Variants in HIBCH observed in about 807,000 individuals in gnomAD.
The protein encoded by HIBCH is 3-hydroxyisobutyryl-CoA hydrolase, mitochondrial.
In HIBCH, 50 loss-of-function variants were observed where a neutral mutation model predicts 58.2. That is an observed-to-expected ratio of 0.86 (90% CI 0.68 to 1.09). The LOEUF (loss-of-function observed/expected upper bound fraction) is 1.09, where lower values mean the gene tolerates loss of function less well. Among genes scored for constraint, HIBCH ranks in the 50% least tolerant of loss-of-function variants. The probability of loss-of-function intolerance (pLI) is 0.00; values close to 1 mark genes in which losing one functional copy is unlikely to be tolerated. For synonymous variants in HIBCH, 151 were observed against 146.9 expected, an observed-to-expected ratio of 1.03 and a Z score of -0.20; for missense variants, 450 against 449.7, an observed-to-expected ratio of 1.00 and a Z score of -0.01.
Position 190,300,727 on chromosome 2 carries a change from C to T in HIBCH, c.79-3774G>A, listed in dbSNP as rs117287004. Among the ~76,000 whole-genome samples, 157 of 152,166 alleles carry T rather than the reference C, an allele frequency of 1.0e-3. 2 individuals carry two copies. In the East Asian group the frequency reaches 0.028, roughly 27 times the overall value. Reference sequence around the variant, plus strand: ...GCGTCTTCGTCATGAAATCTTTGCCCGTTCTTATGTCAAGAATGATACTGC... The same window carrying T: ...GCGTCTTCGTCATGAAATCTTTGCCTGTTCTTATGTCAAGAATGATACTGC... On this transcript the variant is annotated intron_variant, in intron 2 of 13. Transcript: ENST00000359678.
chr2:190,313,205 G>A lies in HIBCH; in HGVS notation c.36-2409C>T, dbSNP rs193173464. 9.8e-4 allele frequency among the ~76,000 whole-genome samples: 148 copies of A among 150,534 alleles called. 1 individual carries two copies. The highest frequency in any genetic ancestry group is 3.5e-3 in the African/African-American group (141 of 40,752). ...CTACGTAACTATTGGACATGCTCAC[G>A]GGCATGTTCGAGCTCACAGCCTATT... On this transcript the variant is annotated intron_variant, in intron 1 of 13. Transcript: ENST00000359678.
At chr2:190,220,822 G>C (rs1685698217) in intron 11 of HIBCH, among the ~76,000 whole-genome samples, 1 of 152,130 alleles carries the variant, frequency 6.6e-6, no homozygotes, top group East Asian at 1.9e-4. Context: ...GTGTGTATAA[G>C]GGAGTGACAT....
In HIBCH at chr2:190,278,244, G is replaced by A. The variant is rs184163586; in HGVS notation, c.438+9342C>T. 6.6e-3 allele frequency among the ~76,000 whole-genome samples: 999 copies of A among 151,728 alleles called. 9 individuals are homozygous for A. The highest frequency in any genetic ancestry group is 0.023 in the African/African-American group (942 of 41,348). ...TTTTAAGATGGAGTCTCGCTCTGTCGCCCAGGCTGAAGTGCAATGGTACAA... is the reference window on the plus strand; with the variant it reads ...TTTTAAGATGGAGTCTCGCTCTGTCACCCAGGCTGAAGTGCAATGGTACAA... On this transcript the variant is annotated intron_variant, in intron 6 of 13. Coordinates refer to ENST00000359678, the MANE Select transcript of HIBCH (RefSeq NM_014362.4).
At chr2:190,233,753 A>G (rs556405397) in intron 11 of HIBCH, among the ~76,000 whole-genome samples, 2 of 152,392 alleles carry the variant, frequency 1.3e-5, no homozygotes, top group African/African-American at 4.8e-5. Context: ...CACATGGACG[A>G]TAAATATATG....
At chr2:190,272,177 A>G (rs1687417746) in intron 6 of HIBCH, among the ~76,000 whole-genome samples, 1 of 152,194 alleles carries the variant, frequency 6.6e-6, no homozygotes. Context: ...TTTCCAGACT[A>G]CCCCATATTT....
chr2:190,227,883 T>C (rs1443444275), intron 11 of HIBCH, among the ~76,000 whole-genome samples: 1 of 152,078 alleles, frequency 6.6e-6, no homozygotes, highest in Non-Finnish European at 1.5e-5. Context: ...AGAACGACGA[T>C]CATTAAAAAG....
chr2:190,225,239 A>G (rs1399427645), intron 11 of HIBCH, among the ~76,000 whole-genome samples: 1 of 152,236 alleles, frequency 6.6e-6, no homozygotes, highest in Non-Finnish European at 1.5e-5. Context: ...CACATTCAAA[A>G]GCTACCAGAA....
chr2:190,314,089 G>A (rs1400295685), intron 1 of HIBCH, among the ~76,000 whole-genome samples: 1 of 151,862 alleles, frequency 6.6e-6, no homozygotes, highest in Non-Finnish European at 1.5e-5. Context: ...TTATGTAACA[G>A]TGTAAGTACT....
chr2:190,251,884 T>C (rs1460906700), intron 8 of HIBCH, among the ~76,000 whole-genome samples: 1 of 149,758 alleles, frequency 6.7e-6, no homozygotes, highest in East Asian at 1.9e-4. Flanking sequence ...GTAGGCATGA[T>C]TTTTTTTTTA....
At chr2:190,212,641 T>C (rs1690539690) in intron 12 of HIBCH, among the ~76,000 whole-genome samples, 1 of 152,226 alleles carries the variant, frequency 6.6e-6, no homozygotes, top group East Asian at 1.9e-4. Flanking sequence ...ATTTACAGAG[T>C]TTATATGCCT....
At position 190,216,344 on chromosome 2, in the gene HIBCH, C is replaced by A. The variant is rs540559275; in HGVS notation, c.892-3269G>T. ...CTGTCAGAAGGCGGCAGAAAGGATT[C>A]AGATTATGGAAGGGTAAATGGATGA... On this transcript the variant is annotated intron_variant, in intron 11 of 13. Coordinates refer to ENST00000359678, the MANE Select transcript of HIBCH (RefSeq NM_014362.4). This position sits in a 1 kb window ranked among gnomAD's most constrained non-coding sequence, Gnocchi z 4.2. Among the ~76,000 whole-genome samples, 1 of 152,222 alleles carries A rather than the reference C, an allele frequency of 6.6e-6. No homozygotes were observed. Among genetic ancestry groups the A allele is most frequent in the South Asian group, 2.1e-4 (1 of 4,818 alleles).
At chr2:190,295,146 G>C (rs1343581532) in intron 3 of HIBCH, among the ~76,000 whole-genome samples, 1 of 152,114 alleles carries the variant, frequency 6.6e-6, no homozygotes, top group Non-Finnish European at 1.5e-5. Context: ...TAAATAAGTA[G>C]GATGAAAGAA....
At chr2:190,289,154 T>C (rs141542207) in intron 5 of HIBCH, among the ~76,000 whole-genome samples, 1 of 152,206 alleles carries the variant, frequency 6.6e-6, no homozygotes, top group African/African-American at 2.4e-5. Flanking sequence ...AATAAACTTA[T>C]GTTTTACTAT....
At chr2:190,276,938 G>A (rs527589512) in intron 6 of HIBCH, among the ~76,000 whole-genome samples, 1 of 152,240 alleles carries the variant, frequency 6.6e-6, no homozygotes, top group African/African-American at 2.4e-5. Context: ...GACAAAAGAA[G>A]TACCTTAAAT....
At chr2:190,300,598 T>C (rs899434918) in intron 2 of HIBCH, among the ~76,000 whole-genome samples, 1 of 152,162 alleles carries the variant, frequency 6.6e-6, no homozygotes, top group Non-Finnish European at 1.5e-5. Context: ...GTTCTCCCAT[T>C]CTGTAGGTTG....
At chr2:190,266,499 C>A (rs1334442036) in intron 6 of HIBCH, among the ~76,000 whole-genome samples, 1 of 151,426 alleles carries the variant, frequency 6.6e-6, no homozygotes, top group African/African-American at 2.4e-5. Context: ...AGTGGCGTGA[C>A]CTTTACTCAC....
intron 6 of HIBCH, among the ~76,000 whole-genome samples, chr2:190,263,520 T>C (rs992337033): frequency 5.3e-5 from 8 of 152,184 alleles, no homozygotes; most frequent in South Asian, 2.1e-4. Context: ...CACTGTACTC[T>C]GTCCTGTCTA....
At chr2:190,319,075 A>C (rs1352215118) in intron 1 of HIBCH, among the ~76,000 whole-genome samples, 1 of 152,206 alleles carries the variant, frequency 6.6e-6, no homozygotes, top group Non-Finnish European at 1.5e-5. Flanking sequence ...CTGGTATGAC[A>C]GTACAGGGCC....
chr2:190,308,307 T>G (rs1425568359), intron 2 of HIBCH, among the ~76,000 whole-genome samples: 1 of 152,160 alleles, frequency 6.6e-6, no homozygotes, highest in African/African-American at 2.4e-5. Context: ...TCAACCTCCA[T>G]GTATAACAGC....
Sources: gnomAD v4.1 joint callset for allele counts (sites outside exome capture counted in the v4.1 genomes callset) on GRCh38, gnomAD v4.1.1 for gene constraint, Gnocchi (gnomAD v3.1) non-coding constraint, MANE v1.5 for transcripts, NCBI Gene and HGNC (gene_info 2026-07-23, HGNC 2026-07-21) for gene names.